CCDC50: variants seen among roughly 807,000 people sequenced by gnomAD.
CCDC50 encodes the protein coiled-coil domain containing 50.
In CCDC50, 54 loss-of-function variants were observed where a neutral mutation model predicts 70.2. That is an observed-to-expected ratio of 0.77 (90% CI 0.62 to 0.96). The LOEUF is 0.96. CCDC50 is among the 50% of genes least tolerant of loss of function. The pLI, the probability that CCDC50 is intolerant of heterozygous loss-of-function variation, is 0.00. For synonymous variants in CCDC50, 216 were observed against 198.8 expected (o/e 1.09, Z -0.73); for missense variants, 558 against 578.7 (o/e 0.96, Z 0.37).
chr3:191,342,354 G>A (rs569530138), intron 1 of CCDC50, among the ~76,000 whole-genome samples: 3 of 152,102 alleles, frequency 2.0e-5, no homozygotes, highest in South Asian at 2.1e-4. Flanking sequence ...GCTCTCAATC[G>A]TTTAAAGTTG....
intron 11 of CCDC50, among the ~76,000 whole-genome samples, chr3:191,390,005 C>A (rs1713629130): frequency 6.6e-6 from 1 of 151,048 alleles, no homozygotes; most frequent in African/African-American, 2.4e-5. Flanking sequence ...GGATTACAGA[C>A]ATGTGCCACC....
chr3:191,341,427 G>A (rs1172635983), intron 1 of CCDC50, among the ~76,000 whole-genome samples: 1 of 152,118 alleles, frequency 6.6e-6, no homozygotes, highest in Admixed American at 6.5e-5. Flanking sequence ...CTTTTAGCCT[G>A]GAAGTAAGCA....
At position 191,358,000 on chromosome 3, in the gene CCDC50, G is replaced by C. The variant is rs746658393; in HGVS notation, c.115G>C (p.Glu39Gln). Residue 39 changes from glutamate (E) to glutamine (Q), a missense_variant and splice_region_variant, in exon 3 of 12, where the codon GAG becomes CAG. Transcript: ENST00000392455. ...LAHSLQEQEIEHHLASNVQRN... is the reference protein window; with the variant it reads ...LAHSLQEQEIQHHLASNVQRN... ...TGTCCTCAATCTTTTTGTTCCAGTT[G>C]AGCATCATTTGGCATCGAACGTTCA... The C allele has an allele frequency of 1.2e-6, 2 of 1,613,898 alleles. No individual in the cohort carries two copies. Among genetic ancestry groups the C allele is most frequent in the East Asian group, 2.2e-5 (1 of 44,872 alleles).
chr3:191,386,216 A>ATTTTTTT (rs76983981), intron 10 of CCDC50, among the ~76,000 whole-genome samples: 3 of 125,736 alleles, frequency 2.4e-5, no homozygotes, highest in African/African-American at 3.7e-5. Flanking sequence ...TAGTATGGGC[A>ATTTTTTT]TTTTTTTTTT....
At chr3:191,361,921 G>C (rs902582605) in intron 4 of CCDC50, among the ~76,000 whole-genome samples, 2 of 152,064 alleles carry the variant, frequency 1.3e-5, no homozygotes, top group African/African-American at 4.8e-5. Context: ...AGCAGGCATT[G>C]CTCTCGTTCT....
chr3:191,380,535 C>T, intron 7 of CCDC50, 152 bp from the exon 8 acceptor site: 1 of 779,894 alleles, frequency 1.3e-6, no homozygotes, highest in Non-Finnish European at 2.2e-6. Context: ...AGAGCTCCTG[C>T]TCTGGCTGGT....
Position 191,380,154 on chromosome 3 carries a change from TA to T in CCDC50, c.977-2del. On this transcript the variant is annotated splice_region_variant and splice_polypyrimidine_tract_variant and intron_variant, in intron 6 of 11. Transcript: ENST00000392455. Reference sequence around the variant, plus strand: ...ATTACATTGAGTTTTTTTTTTTTTTTAAAGGAATGAAGCCAAGAGTGATGAA... The same window carrying T: ...ATTACATTGAGTTTTTTTTTTTTTTTAAGGAATGAAGCCAAGAGTGATGAA... 2.1e-6 allele frequency: 3 copies of T among 1,460,310 alleles called. No individual in the cohort carries two copies. The highest frequency in any genetic ancestry group is 2.9e-6 in the Non-Finnish European group (3 of 1,052,292). 90.5% of individuals were successfully genotyped at this position (1,460,310 alleles called of 1,614,324 possible).
chr3:191,339,239 A>C (rs1711627586), intron 1 of CCDC50, among the ~76,000 whole-genome samples: 1 of 152,144 alleles, frequency 6.6e-6, no homozygotes, highest in Admixed American at 6.5e-5. Context: ...GATATGTTCA[A>C]TTTGTACTTA....
At chr3:191,358,316 G>A (rs1405183378) in intron 3 of CCDC50, among the ~76,000 whole-genome samples, 192 bp downstream of exon 3, 1 of 152,192 alleles carries the variant, frequency 6.6e-6, no homozygotes, top group African/African-American at 2.4e-5. Context: ...CACTTGACCA[G>A]GTTTAAGGAC....
chr3:191,360,697 C>A (rs1234308163), intron 3 of CCDC50, among the ~76,000 whole-genome samples: 1 of 152,184 alleles, frequency 6.6e-6, no homozygotes, highest in Non-Finnish European at 1.5e-5. Context: ...TAGCTTATAA[C>A]ATGGCATGAC....
intron 5 of CCDC50, among the ~76,000 whole-genome samples, chr3:191,374,556 T>C (rs1433639441): frequency 6.6e-6 from 1 of 152,168 alleles, no homozygotes; most frequent in African/African-American, 2.4e-5. Context: ...CATATAAAAA[T>C]CTGTGGATCA....
At chr3:191,382,602 C>T (rs181993492) in intron 9 of CCDC50, 144 bp from the exon 10 acceptor site, 6 of 621,114 alleles carry the variant, frequency 9.7e-6, no homozygotes, top group Admixed American at 5.6e-5. Flanking sequence ...TTATGTTCCT[C>T]AATTAAATAT....
chr3:191,393,389 C>CT lies in CCDC50; in HGVS notation c.*1630dup, dbSNP rs1382946855. The stretch of plus-strand genomic sequence containing the variant: ...GAGAAAAATGTTAATTTTTTTCCCA[C>CT]TGTGAATTGCCTTCTGTTTGCCTTA... On this transcript the variant is annotated 3_prime_UTR_variant, in exon 12 of 12. Transcript: ENST00000392455. 6.6e-6 allele frequency: 1 copy of CT among 152,114 alleles called. No individual in the cohort carries two copies. Among genetic ancestry groups the CT allele is most frequent in the Non-Finnish European group, 1.5e-5 (1 of 68,014 alleles). 9.4% of individuals were successfully genotyped at this position (152,114 alleles called of 1,614,324 possible).
intron 9 of CCDC50, 54 bp downstream of exon 9, chr3:191,380,986 G>A (rs1368668748): frequency 1.4e-6 from 2 of 1,397,588 alleles, no homozygotes; most frequent in Admixed American, 3.8e-5. Flanking sequence ...AAATGAAAAG[G>A]GGACTCTGCT....
intron 3 of CCDC50, 34 bp downstream of exon 3, chr3:191,358,158 G>A (rs747822243): frequency 6.2e-7 from 1 of 1,613,260 alleles, no homozygotes; most frequent in South Asian, 1.1e-5. Context: ...GGTGATGCAA[G>A]ACTGGTTTTC....
At chr3:191,388,528 G>A (rs513632) in intron 10 of CCDC50, among the ~76,000 whole-genome samples, 64,196 of 152,032 alleles carry the variant, frequency 0.42, 15,234 homozygotes, top group Non-Finnish European at 0.53. Flanking sequence ...CAGCACATAT[G>A]CCAGTTTATA....
chr3:191,390,831 TC>T (rs978710413), intron 11 of CCDC50, among the ~76,000 whole-genome samples: 68 of 152,222 alleles, frequency 4.5e-4, no homozygotes, highest in African/African-American at 1.6e-3. Context: ...GGGAATGGAG[TC>T]CAGTAGGTCT....
rs1713701176 is a variant in CCDC50, at chr3:191,391,791, C to T, written c.*31C>T. ...TAGGAATCTGCCTTGAAAATGGACT[C>T]ACTATAGCAAATATTACTGGGTGAT... On this transcript the variant is annotated 3_prime_UTR_variant, in exon 12 of 12. Transcript: ENST00000392455. 3 of 1,594,436 alleles carry T rather than the reference C, an allele frequency of 1.9e-6. No individual in the cohort carries two copies. Among genetic ancestry groups the T allele is most frequent in the Non-Finnish European group, 2.6e-6 (3 of 1,162,548 alleles).
chr3:191,381,263 A>G (rs1051991603), intron 9 of CCDC50, among the ~76,000 whole-genome samples: 3 of 152,174 alleles, frequency 2.0e-5, no homozygotes, highest in Admixed American at 6.5e-5. Context: ...ACATGCTTTC[A>G]TATTTTCCAC....
Sources: allele counts gnomAD v4.1 joint callset (sites outside exome capture counted in the v4.1 genomes callset), GRCh38; gene constraint gnomAD v4.1.1; transcripts MANE v1.5; gene names NCBI Gene and HGNC (gene_info 2026-07-23, HGNC 2026-07-21).